Variants in MBOAT2 observed in about 807,000 individuals in gnomAD.
The protein encoded by MBOAT2 is membrane-bound glycerophospholipid O-acyltransferase 2.
In MBOAT2, 28 loss-of-function variants were observed where a neutral mutation model predicts 63.4. That is an observed-to-expected ratio of 0.44 (90% CI 0.33 to 0.61). The LOEUF (loss-of-function observed/expected upper bound fraction) is 0.61, where lower values mean the gene tolerates loss of function less well. Ranked by LOEUF, MBOAT2 falls within the 20% of genes least tolerant of loss-of-function variation. The pLI, the probability that MBOAT2 is intolerant of heterozygous loss-of-function variation, is 0.03. For synonymous variants in MBOAT2, 211 were observed against 215.6 expected (o/e 0.98, Z 0.19); for missense variants, 470 against 605.8 (o/e 0.78, Z 2.35).
intron 1 of MBOAT2, among the ~76,000 whole-genome samples, chr2:8,999,063 A>G (rs1029641049): frequency 1.3e-5 from 2 of 152,184 alleles, no homozygotes; most frequent in African/African-American, 4.8e-5. Context: ...ACTTTGCAGG[A>G]TTAGTAACAT....
intron 5 of MBOAT2, among the ~76,000 whole-genome samples, chr2:8,886,700 G>T (rs1454856680): frequency 6.6e-6 from 1 of 152,150 alleles, no homozygotes; most frequent in Non-Finnish European, 1.5e-5. Context: ...GTTACAAAAT[G>T]GGGTTTGTTG....
intron 3 of MBOAT2, among the ~76,000 whole-genome samples, chr2:8,923,573 C>A (rs1666732484): frequency 6.6e-6 from 1 of 152,102 alleles, no homozygotes; most frequent in Non-Finnish European, 1.5e-5. Flanking sequence ...GCTGGCCCTG[C>A]AATTATTAAA....
chr2:8,942,124 T>C (rs1668096042), intron 3 of MBOAT2, among the ~76,000 whole-genome samples: 1 of 152,154 alleles, frequency 6.6e-6, no homozygotes, highest in African/African-American at 2.4e-5. Flanking sequence ...AGGGTTGGTT[T>C]ACAGAGGAAA....
intron 3 of MBOAT2, among the ~76,000 whole-genome samples, chr2:8,941,242 C>T (rs967760812): frequency 3.9e-4 from 59 of 152,274 alleles, no homozygotes; most frequent in African/African-American, 1.3e-3. Flanking sequence ...ACTCACATGG[C>T]AAACCTTACT....
intron 3 of MBOAT2, among the ~76,000 whole-genome samples, chr2:8,909,032 T>C (rs955579731): frequency 3.3e-5 from 5 of 152,182 alleles, no homozygotes; most frequent in Non-Finnish European, 7.4e-5. Flanking sequence ...TATTCCTCCT[T>C]TCTAGGACAC....
chr2:8,942,119 T>C (rs1233576226), intron 3 of MBOAT2, among the ~76,000 whole-genome samples: 1 of 152,188 alleles, frequency 6.6e-6, no homozygotes, highest in Non-Finnish European at 1.5e-5. Context: ...TTGTAAGGGT[T>C]GGTTTACAGA....
intron 4 of MBOAT2, among the ~76,000 whole-genome samples, chr2:8,906,518 G>A (rs541009072): frequency 1.4e-4 from 21 of 152,296 alleles, no homozygotes; most frequent in African/African-American, 4.8e-4. Flanking sequence ...TGACTGTGTG[G>A]AGCAGAGACT....
At chr2:8,958,975 G>A (rs1420407567) in intron 1 of MBOAT2, among the ~76,000 whole-genome samples, 1 of 152,202 alleles carries the variant, frequency 6.6e-6, no homozygotes. Context: ...CGGTTAAAGG[G>A]AAGAGAAACG....
intron 1 of MBOAT2, among the ~76,000 whole-genome samples, chr2:8,966,850 C>G (rs891854968): frequency 6.6e-6 from 1 of 152,182 alleles, no homozygotes; most frequent in Non-Finnish European, 1.5e-5. Flanking sequence ...CACTCCAATA[C>G]CCATGTGTCT....
At chr2:8,910,002 C>T (rs1214127236) in intron 3 of MBOAT2, among the ~76,000 whole-genome samples, 1 of 152,148 alleles carries the variant, frequency 6.6e-6, no homozygotes, top group African/African-American at 2.4e-5. Flanking sequence ...ACTGCACAGA[C>T]CAGCGGATTA....
chr2:8,981,956 AAGAC>A (rs1386653879), intron 1 of MBOAT2, among the ~76,000 whole-genome samples: 4 of 152,188 alleles, frequency 2.6e-5, no homozygotes, highest in Non-Finnish European at 5.9e-5. Context: ...ATGGTTAATG[AAGAC>A]AGACAGACTT....
chr2:8,868,819 G>A lies in MBOAT2; in HGVS notation c.884-270C>T, dbSNP rs561524500. ...GACCAATAGGTGAAGGTGAAGACTC[G>A]AACAGGAAACGCTCCCCAACATTAG... On this transcript the variant is annotated intron_variant, in intron 8 of 12. Coordinates refer to ENST00000305997, the MANE Select transcript of MBOAT2 (RefSeq NM_138799.4). Among the ~76,000 whole-genome samples the A allele has an allele frequency of 3.9e-5, 6 of 152,230 alleles. No individual in the cohort carries two copies. The East Asian group carries it at 5.8e-4, about 15-fold the overall frequency.
At chr2:8,859,634 T>C (rs1028212787) in intron 12 of MBOAT2, among the ~76,000 whole-genome samples, 1 of 152,202 alleles carries the variant, frequency 6.6e-6, no homozygotes, top group East Asian at 1.9e-4. Flanking sequence ...TCATATTTGA[T>C]TCAATAATTT....
In MBOAT2 at chr2:8,853,299, C is replaced by A. The variant is rs1243566094; in HGVS notation, c.*5380G>T. 1 of 152,168 alleles carries A rather than the reference C, an allele frequency of 6.6e-6. No homozygotes were observed. Among genetic ancestry groups the A allele is most frequent in the African/African-American group, 2.4e-5 (1 of 41,434 alleles). 9.4% of individuals were successfully genotyped at this position (152,168 alleles called of 1,614,324 possible). A position where few individuals can be genotyped will look rare whatever the true frequency, so the allele number is the denominator to read the frequency against. On this transcript the variant is annotated 3_prime_UTR_variant, in exon 13 of 13. Transcript: ENST00000305997. ...CACATTTGTGTTCAATGTTTGATTCCTTTTTCCTTGTGATAAAGCCAGAGG... is the reference window on the plus strand; with the variant it reads ...CACATTTGTGTTCAATGTTTGATTCATTTTTCCTTGTGATAAAGCCAGAGG...
chr2:8,918,685 A>C (rs903771163), intron 3 of MBOAT2, among the ~76,000 whole-genome samples: 13 of 152,248 alleles, frequency 8.5e-5, no homozygotes, highest in African/African-American at 2.9e-4. Flanking sequence ...GAAAGGCAGA[A>C]GGAACAGTGA....
intron 3 of MBOAT2, among the ~76,000 whole-genome samples, chr2:8,935,107 C>T (rs1315420932): frequency 1.3e-5 from 2 of 152,172 alleles, no homozygotes; most frequent in Non-Finnish European, 2.9e-5. Context: ...CCCACTTTGC[C>T]AGTTACCATG....
chr2:8,873,593 G>GTTTTT (rs1302433045), intron 7 of MBOAT2, among the ~76,000 whole-genome samples: 10 of 151,858 alleles, frequency 6.6e-5, no homozygotes, highest in Non-Finnish European at 8.8e-5. Flanking sequence ...GCAAGCATAA[G>GTTTTT]TGTATTGGTG....
chr2:8,904,780 T>A (rs1665211892), intron 4 of MBOAT2, among the ~76,000 whole-genome samples: 1 of 152,214 alleles, frequency 6.6e-6, no homozygotes, highest in Non-Finnish European at 1.5e-5. Context: ...ATCCTTTTTC[T>A]ATCATATTTT....
chr2:8,911,218 T>C (rs77143130), intron 3 of MBOAT2, among the ~76,000 whole-genome samples: 3,978 of 152,236 alleles, frequency 0.026, 183 homozygotes, highest in African/African-American at 0.09. Context: ...CAAAAAGAAC[T>C]GTACTTGAGG....
Sources: gnomAD v4.1 joint callset for allele counts (sites outside exome capture counted in the v4.1 genomes callset) on GRCh38, gnomAD v4.1.1 for gene constraint, MANE v1.5 for transcripts, NCBI Gene and HGNC (gene_info 2026-07-23, HGNC 2026-07-21) for gene names.